EHBP1: variants seen among roughly 807,000 people sequenced by gnomAD.
EHBP1 encodes the protein EH domain binding protein 1, also known as EH domain-binding protein 1.
EHBP1 carries 55 observed loss-of-function variants against 144.0 expected under a neutral mutation model. The ratio of observed to expected loss-of-function variants is 0.38; its 90% confidence interval spans 0.31 to 0.48. The LOEUF (loss-of-function observed/expected upper bound fraction) is 0.48, where lower values mean the gene tolerates loss of function less well. Ranked by LOEUF, EHBP1 falls within the 20% of genes least tolerant of loss-of-function variation. EHBP1 has a pLI of 0.98. For missense variants in EHBP1, 1,200 were observed against 1,364.2 expected, an observed-to-expected ratio of 0.88 and a Z score of 1.90; for synonymous variants, 469 against 472.7, an observed-to-expected ratio of 0.99 and a Z score of 0.10.
intron 3 of EHBP1, among the ~76,000 whole-genome samples, chr2:62,761,625 C>G (rs2040774747): frequency 6.6e-6 from 1 of 152,142 alleles, no homozygotes; most frequent in Non-Finnish European, 1.5e-5. Flanking sequence ...TGCTGCCTGA[C>G]TTGCATCTGC....
At chr2:62,985,380 C>G (rs1392068343) in intron 15 of EHBP1, among the ~76,000 whole-genome samples, 1 of 152,108 alleles carries the variant, frequency 6.6e-6, no homozygotes, top group Non-Finnish European at 1.5e-5. Context: ...ACATAAGCTT[C>G]AGTACTTATA....
At chr2:62,988,017 G>A in intron 15 of EHBP1, 1 of 1,605,308 alleles carries the variant, frequency 6.2e-7, no homozygotes, top group Non-Finnish European at 8.5e-7. Flanking sequence ...TACTAACTTA[G>A]AAAATGACCT....
At chr2:62,893,570 C>T (rs977387478) in intron 10 of EHBP1, among the ~76,000 whole-genome samples, 1 of 151,982 alleles carries the variant, frequency 6.6e-6, no homozygotes. Context: ...GAAATATATT[C>T]CTAAGAAATG....
intron 6 of EHBP1, among the ~76,000 whole-genome samples, chr2:62,828,882 A>G (rs923374940): frequency 7.9e-5 from 12 of 152,142 alleles, no homozygotes; most frequent in African/African-American, 2.7e-4. Flanking sequence ...TGTAATCCCA[A>G]CACTTTGGGA....
chr2:62,867,539 A>G (rs935767597), intron 9 of EHBP1, among the ~76,000 whole-genome samples: 2 of 152,194 alleles, frequency 1.3e-5, no homozygotes, highest in Non-Finnish European at 2.9e-5. Context: ...CAATATGTAT[A>G]TACCGAAAAC....
intron 10 of EHBP1, among the ~76,000 whole-genome samples, chr2:62,928,840 CAAAA>C (rs760426482): frequency 1.2e-4 from 8 of 65,246 alleles, no homozygotes; most frequent in Admixed American, 3.2e-4. Flanking sequence ...AGACTAAGAA[CAAAA>C]AAAAAAAAAA....
At chr2:62,921,715 T>C (rs2055101646) in intron 10 of EHBP1, among the ~76,000 whole-genome samples, 1 of 152,204 alleles carries the variant, frequency 6.6e-6, no homozygotes, top group Admixed American at 6.5e-5. Context: ...CCAACCCCCA[T>C]GCAGTTGAAA....
At chr2:62,839,738 A>G (rs1436985308) in intron 7 of EHBP1, among the ~76,000 whole-genome samples, 2 of 152,180 alleles carry the variant, frequency 1.3e-5, no homozygotes, top group African/African-American at 2.4e-5. Context: ...CCCATTCACA[A>G]TTGCTTCAAA....
At position 63,037,648 on chromosome 2, in the gene EHBP1, A is replaced by T; in HGVS notation, c.3203+14A>T. 1 of 1,468,924 alleles carries T rather than the reference A, an allele frequency of 6.8e-7. No individual in the cohort carries two copies. The highest frequency in any genetic ancestry group is 1.3e-5 in the South Asian group (1 of 78,676). The allele number at this position is 1,468,924 out of a possible 1,614,324, so 91.0% of individuals were successfully genotyped here. A position where few individuals can be genotyped will look rare whatever the true frequency, so the allele number is the denominator to read the frequency against. ...GCTCTCTCTTCTGTAAGTACTCATC[A>T]TTATGCTTGTTTTGCCTACAACATT... On this transcript the variant is annotated intron_variant, in intron 20 of 22. Transcript: ENST00000431489.
rs186148431 is a variant in EHBP1, at chr2:62,957,580, T to C, written c.2460+1920T>C. On this transcript the variant is annotated intron_variant, in intron 14 of 22. Transcript: ENST00000431489. ...ATTCACCAGAAGTATGATTCGTACA[T>C]AGAAAATTCCCCCAAAATTACAAGA... Among the ~76,000 whole-genome samples the C allele has an allele frequency of 2.0e-5, 3 of 146,414 alleles. No homozygotes were observed. The East Asian group carries it at 6.1e-4, about 30-fold the overall frequency.
At chr2:63,017,500 T>G (rs2060532851) in intron 19 of EHBP1, among the ~76,000 whole-genome samples, 1 of 152,336 alleles carries the variant, frequency 6.6e-6, no homozygotes, top group East Asian at 1.9e-4. Flanking sequence ...ATTAGATACT[T>G]TATATCAAGC....
upstream of EHBP1, among the ~76,000 whole-genome samples, chr2:62,702,920 A>C (rs1436083234): frequency 6.6e-6 from 1 of 152,240 alleles, no homozygotes; most frequent in East Asian, 1.9e-4. Flanking sequence ...TGCTTTAAGA[A>C]GCTGGGACTC....
intron 7 of EHBP1, among the ~76,000 whole-genome samples, chr2:62,848,821 C>T (rs907631746): frequency 6.6e-5 from 10 of 152,244 alleles, no homozygotes; most frequent in African/African-American, 2.2e-4. Flanking sequence ...GCAGATGTTA[C>T]GCAGCTTGGG....
chr2:62,830,153 G>T (rs369816828), intron 6 of EHBP1, among the ~76,000 whole-genome samples: 286 of 132,146 alleles, frequency 2.2e-3, no homozygotes, highest in African/African-American at 3.7e-3. Flanking sequence ...TATATATATA[G>T]ACACACACAC....
At chr2:62,886,263 T>C (rs1459356738) in intron 10 of EHBP1, among the ~76,000 whole-genome samples, 1 of 152,196 alleles carries the variant, frequency 6.6e-6, no homozygotes, top group East Asian at 1.9e-4. Flanking sequence ...TCCTATCATA[T>C]GTAAATTGAA....
intron 10 of EHBP1, among the ~76,000 whole-genome samples, chr2:62,934,537 A>G (rs542501024): frequency 2.0e-5 from 3 of 152,348 alleles, no homozygotes; most frequent in South Asian, 2.1e-4. Context: ...GACAGGAAAC[A>G]TAGCATATTA....
At chr2:62,804,716 G>C (rs1239795500) in intron 5 of EHBP1, among the ~76,000 whole-genome samples, 1 of 152,188 alleles carries the variant, frequency 6.6e-6, no homozygotes, top group Non-Finnish European at 1.5e-5. Context: ...GCCATGGATT[G>C]GTACTGGTCC....
In EHBP1 at chr2:62,866,966, T is replaced by C. The variant is rs1429291682; in HGVS notation, c.998+1995T>C. On this transcript the variant is annotated intron_variant, in intron 9 of 22. Transcript: ENST00000431489. ...CAAGCCAGAAGACAATGAGGTGATA[T>C]TCTTAAAGGACTGAAGGAAAAGTAT... Among the ~76,000 whole-genome samples, 3 of 152,112 alleles carry C rather than the reference T, an allele frequency of 2.0e-5. No homozygotes were observed. The East Asian group carries it at 5.8e-4, about 29-fold the overall frequency.
At chr2:62,773,604 T>C (rs1166162795) in intron 5 of EHBP1, among the ~76,000 whole-genome samples, 1 of 151,884 alleles carries the variant, frequency 6.6e-6, no homozygotes, top group East Asian at 1.9e-4. Context: ...ATCCCAGCAC[T>C]TTGAGAGGCC....
Sources: allele counts gnomAD v4.1 joint callset (sites outside exome capture counted in the v4.1 genomes callset), GRCh38; gene constraint gnomAD v4.1.1; transcripts MANE v1.5; gene names NCBI Gene and HGNC (gene_info 2026-07-23, HGNC 2026-07-21).